INPP4B: variants seen among roughly 807,000 people sequenced by gnomAD.
INPP4B encodes inositol polyphosphate-4-phosphatase type II B, also known as inositol polyphosphate 4-phosphatase type II.
Under a neutral mutation model 122.5 loss-of-function variants are expected in INPP4B, and 55 were observed. The observed-to-expected ratio is 0.45, with a 90% CI of 0.36 to 0.56. INPP4B has a LOEUF of 0.56. Among genes scored for constraint, INPP4B ranks in the 20% least tolerant of loss-of-function variants. The pLI is 0.00. For missense variants in INPP4B, 1,000 were observed against 1,097.7 expected (o/e 0.91, Z 1.26); for synonymous variants, 403 against 388.7 (o/e 1.04, Z -0.43).
At chr4:142,420,083 G>A (rs1483108862) in intron 5 of INPP4B, among the ~76,000 whole-genome samples, 6 of 151,778 alleles carry the variant, frequency 4.0e-5, no homozygotes, top group African/African-American at 1.5e-4. Context: ...GGGATATGTT[G>A]GTCATGGATG....
intron 1 of INPP4B, among the ~76,000 whole-genome samples, chr4:142,809,067 A>C (rs987589317): frequency 1.3e-5 from 2 of 152,114 alleles, no homozygotes; most frequent in Admixed American, 6.5e-5. Flanking sequence ...TAAATGGATT[A>C]GATTTTTATC....
chr4:142,739,592 A>G (rs1314291270), intron 1 of INPP4B, among the ~76,000 whole-genome samples: 1 of 152,090 alleles, frequency 6.6e-6, no homozygotes, highest in Middle Eastern at 3.4e-3. Flanking sequence ...ATACACCACC[A>G]CCACAAAATG....
intron 2 of INPP4B, among the ~76,000 whole-genome samples, chr4:142,463,685 G>T (rs1305037571): frequency 6.6e-6 from 1 of 152,058 alleles, no homozygotes; most frequent in Non-Finnish European, 1.5e-5. Flanking sequence ...TGAATCATGG[G>T]GGTGGTTACC....
intron 1 of INPP4B, among the ~76,000 whole-genome samples, chr4:142,758,848 G>C (rs1770879082): frequency 6.6e-6 from 1 of 151,734 alleles, no homozygotes; most frequent in Non-Finnish European, 1.5e-5. Flanking sequence ...AGCTACTCGG[G>C]AGGCTGCGGC....
chr4:142,135,739 T>C (rs1024770988), intron 18 of INPP4B, among the ~76,000 whole-genome samples: 1 of 152,082 alleles, frequency 6.6e-6, no homozygotes, highest in African/African-American at 2.4e-5. Flanking sequence ...CCTTTTTCCT[T>C]CAGTGGTGTT....
chr4:142,703,299 TAATA>T (rs1259261588), intron 2 of INPP4B, among the ~76,000 whole-genome samples: 1 of 152,214 alleles, frequency 6.6e-6, no homozygotes, highest in African/African-American at 2.4e-5. Flanking sequence ...AATTTTAAAT[TAATA>T]AATAGTTTTC....
At chr4:142,059,025 TG>T (rs1759202989) in intron 25 of INPP4B, among the ~76,000 whole-genome samples, 2 of 152,146 alleles carry the variant, frequency 1.3e-5, no homozygotes, top group South Asian at 4.1e-4. Context: ...AATATGTTTG[TG>T]GAGGAGATAA....
At chr4:142,268,322 CA>C (rs56908599) in intron 10 of INPP4B, among the ~76,000 whole-genome samples, 84 of 6,894 alleles carry the variant, frequency 0.012, 3 homozygotes, top group Middle Eastern at 0.17. Flanking sequence ...GACTCCGTCT[CA>C]AAAAAAAAAA....
chr4:142,286,953 T>G (rs1321690828), intron 9 of INPP4B: 2 of 152,192 alleles, frequency 1.3e-5, no homozygotes, highest in East Asian at 3.9e-4. Context: ...TGAGGACACT[T>G]GCCTTTTTTT....
chr4:142,773,075 A>G (rs1420512686), intron 1 of INPP4B, among the ~76,000 whole-genome samples: 1 of 152,090 alleles, frequency 6.6e-6, no homozygotes, highest in Non-Finnish European at 1.5e-5. Flanking sequence ...AAAATAAATA[A>G]AGACACAATC....
chr4:142,208,777 AG>A, intron 13 of INPP4B, 118 bp downstream of exon 13: 1 of 742,148 alleles, frequency 1.3e-6, no homozygotes, highest in Non-Finnish European at 2.0e-6. Context: ...TAGAAATAAA[AG>A]AGTTTTAAAA....
rs36227189 is a variant in INPP4B at position 142,263,639 on chromosome 4, A to AATATATATATAT, written c.616-3087_616-3076dup. ...GACCACAAATGAGATAAATTCGTAAAATATATATATATATATATATATATA... is the reference window on the plus strand; with the variant it reads ...GACCACAAATGAGATAAATTCGTAAAATATATATATATATATATATATATATATATATATATA... On this transcript the variant is annotated intron_variant, in intron 10 of 25. Transcript: ENST00000262992. Among the ~76,000 whole-genome samples the AATATATATATAT allele has an allele frequency of 7.3e-3, 304 of 41,728 alleles. 10 individuals carry two copies. Among genetic ancestry groups the AATATATATATAT allele is most frequent in the African/African-American group, 9.1e-3 (161 of 17,658 alleles). The allele number at this position is 41,728 out of a possible 152,430, so 27.4% of individuals were successfully genotyped here.
Position 142,846,132 on chromosome 4 carries a change from C to A in INPP4B, c.-254+77G>T, listed in dbSNP as rs1424961863. On this transcript the variant is annotated intron_variant, in intron 1 of 25. Transcript: ENST00000262992. The surrounding 1 kb of genome is among the most constrained non-coding windows in gnomAD (Gnocchi z 5.1). The stretch of plus-strand genomic sequence containing the variant: ...CGCTCTCAGACACGCTCCCTCGCCT[C>A]CCGGATTACCCACCATCAACCACCC... 6.6e-6 allele frequency: 1 copy of A among 152,244 alleles called. No homozygotes were observed. Among genetic ancestry groups the A allele is most frequent in the Non-Finnish European group, 1.5e-5 (1 of 68,212 alleles). 9.4% of individuals were successfully genotyped at this position (152,244 alleles called of 1,614,324 possible). A position where few individuals can be genotyped will look rare whatever the true frequency, so the allele number is the denominator to read the frequency against.
At chr4:142,564,165 C>G (rs573261975) in intron 2 of INPP4B, among the ~76,000 whole-genome samples, 1 of 152,160 alleles carries the variant, frequency 6.6e-6, no homozygotes, top group Non-Finnish European at 1.5e-5. Context: ...TGTGCAAGCA[C>G]GCTAACAAAG....
At chr4:142,664,685 G>A (rs762154289) in intron 2 of INPP4B, among the ~76,000 whole-genome samples, 2 of 151,804 alleles carry the variant, frequency 1.3e-5, no homozygotes, top group Non-Finnish European at 2.9e-5. Context: ...ATAGAAATGA[G>A]ATATATTTCA....
intron 17 of INPP4B, among the ~76,000 whole-genome samples, chr4:142,151,969 G>A (rs964052055): frequency 1.3e-5 from 2 of 150,066 alleles, no homozygotes; most frequent in African/African-American, 2.5e-5. Context: ...TACTTTCTCC[G>A]TTATCTTCCA....
chr4:142,742,245 C>T (rs1768008077), intron 1 of INPP4B, among the ~76,000 whole-genome samples: 1 of 151,974 alleles, frequency 6.6e-6, no homozygotes, highest in South Asian at 2.1e-4. Context: ...AAAAGGATAC[C>T]AAAGGCCAGT....
chr4:142,699,657 A>G (rs1761466547), intron 2 of INPP4B, among the ~76,000 whole-genome samples: 1 of 152,148 alleles, frequency 6.6e-6, no homozygotes, highest in African/African-American at 2.4e-5. Context: ...TTTGTCTCCT[A>G]TTAAACATCT....
intron 18 of INPP4B, among the ~76,000 whole-genome samples, chr4:142,126,750 T>C (rs1324598914): frequency 6.6e-6 from 1 of 151,746 alleles, no homozygotes; most frequent in Non-Finnish European, 1.5e-5. Flanking sequence ...GTCATTGTCA[T>C]GTGTAAAAGG....
Sources: allele counts gnomAD v4.1 joint callset (sites outside exome capture counted in the v4.1 genomes callset), GRCh38; gene constraint gnomAD v4.1.1; non-coding constraint Gnocchi (gnomAD v3.1); transcripts MANE v1.5; gene names NCBI Gene and HGNC (gene_info 2026-07-23, HGNC 2026-07-21).